The following MAST4 variants were observed in gnomAD, a reference collection of about 807,000 sequenced individuals.
The protein encoded by MAST4 is microtubule-associated serine/threonine-protein kinase 4.
MAST4 carries 89 observed loss-of-function variants against 162.7 expected under a neutral mutation model. The ratio of observed to expected loss-of-function variants is 0.55; its 90% CI spans 0.46 to 0.65. MAST4 has a LOEUF of 0.65. Ranked by LOEUF, MAST4 falls within the 30% of genes least tolerant of loss-of-function variation. MAST4 has a pLI of 0.00. For synonymous variants in MAST4, 1,479 were observed against 1,361.1 expected (o/e 1.09, Z -1.91); for missense variants, 3,153 against 3,374.0 (o/e 0.93, Z 1.62).
intron 3 of MAST4, among the ~76,000 whole-genome samples, chr5:66,809,588 G>A (rs115779395): frequency 3.9e-5 from 6 of 152,244 alleles, no homozygotes; most frequent in Non-Finnish European, 8.8e-5. Context: ...TTTATAAGAA[G>A]TGATATGTAT....
At position 67,153,554 on chromosome 5, in the gene MAST4, A is replaced by G. The variant is rs1772105359; in HGVS notation, c.3622A>G (p.Thr1208Ala). The change falls in exon 26 of 29, where the codon ACA becomes GCA. Residue 1208 changes from threonine (T) to alanine (A), a missense_variant. Thr to Ala is a moderately conservative substitution (Grantham distance 58). Coordinates refer to ENST00000403625, the MANE Select transcript of MAST4 (RefSeq NM_001164664.2). ...AGAACCAGTGCATGGACTTGTCCAC[A>G]CAGAAGTTATAGAACTCCTACTGAA... The part of the protein sequence containing the change: ...NGEPVHGLVH[T>A]EVIELLLKSG... 1.3e-6 allele frequency: 2 copies of G among 1,592,494 alleles called. No homozygotes were observed. Among genetic ancestry groups the G allele is most frequent in the Non-Finnish European group, 1.7e-6 (2 of 1,168,856 alleles).
intron 1 of MAST4, among the ~76,000 whole-genome samples, chr5:66,757,492 C>T (rs1482173622): frequency 6.6e-6 from 1 of 152,168 alleles, no homozygotes; most frequent in Admixed American, 6.5e-5. Flanking sequence ...CTGATATAAT[C>T]TTATGTTACA....
At chr5:66,754,544 A>T (rs556553368) in intron 1 of MAST4, among the ~76,000 whole-genome samples, 3 of 151,860 alleles carry the variant, frequency 2.0e-5, no homozygotes, top group Admixed American at 2.0e-4. Flanking sequence ...TGTGTTTTCT[A>T]TTTTTTTCCT....
intron 4 of MAST4, among the ~76,000 whole-genome samples, chr5:67,012,037 T>C (rs1752745659): frequency 6.6e-6 from 1 of 152,234 alleles, no homozygotes; most frequent in Admixed American, 6.5e-5. Context: ...TGTGTGTGTC[T>C]TCACTCAAGG....
chr5:67,087,071 A>T (rs1369476561), intron 5 of MAST4, among the ~76,000 whole-genome samples: 1 of 152,100 alleles, frequency 6.6e-6, no homozygotes, highest in Non-Finnish European at 1.5e-5. Context: ...TTCCTCCCTA[A>T]GGAAAATGGA....
At chr5:66,785,933 A>G (rs1452302072) in intron 2 of MAST4, among the ~76,000 whole-genome samples, 1 of 152,086 alleles carries the variant, frequency 6.6e-6, no homozygotes, top group Admixed American at 6.5e-5. Flanking sequence ...CAGTGGTACA[A>G]TCTTGGCTCA....
chr5:66,993,486 A>T (rs1213661471), intron 4 of MAST4, among the ~76,000 whole-genome samples: 5 of 152,210 alleles, frequency 3.3e-5, no homozygotes, highest in African/African-American at 9.6e-5. Context: ...AGAGGCATGC[A>T]TATGAATAAA....
intron 10 of MAST4, among the ~76,000 whole-genome samples, chr5:67,109,407 A>T (rs899826894): frequency 1.3e-5 from 2 of 152,198 alleles, no homozygotes; most frequent in African/African-American, 4.8e-5. Context: ...TATTAGGTGT[A>T]CATGAAACAT....
intron 2 of MAST4, among the ~76,000 whole-genome samples, chr5:66,760,333 C>T (rs1259017945): frequency 3.9e-5 from 6 of 151,990 alleles, no homozygotes; most frequent in Non-Finnish European, 8.8e-5. Context: ...CCAAGATGGT[C>T]GTGATCTCTT....
At chr5:67,145,028 AG>A in intron 22 of MAST4, 115 bp from the exon 23 acceptor site, 1 of 946,044 alleles carries the variant, frequency 1.1e-6, no homozygotes, top group Non-Finnish European at 1.6e-6. Flanking sequence ...CCATTGCACT[AG>A]ACATCTCTTG....
chr5:66,661,386 G>C (rs910081530), intron 1 of MAST4, among the ~76,000 whole-genome samples: 4 of 152,192 alleles, frequency 2.6e-5, no homozygotes, highest in African/African-American at 9.7e-5. Flanking sequence ...CCCGCTGTCT[G>C]CTTGGCTAAA....
At chr5:66,910,888 C>T (rs1192710477) in intron 4 of MAST4, among the ~76,000 whole-genome samples, 3 of 151,930 alleles carry the variant, frequency 2.0e-5, no homozygotes, top group East Asian at 1.9e-4. Context: ...GCTGGGACTA[C>T]AGGCGCATGC....
intron 1 of MAST4, among the ~76,000 whole-genome samples, chr5:66,757,321 G>A (rs1753600545): frequency 6.6e-6 from 1 of 152,196 alleles, no homozygotes; most frequent in Non-Finnish European, 1.5e-5. Flanking sequence ...TAACTTGTTT[G>A]ATTGCTTCAC....
chr5:66,660,687 T>C (rs1746849578), intron 1 of MAST4, among the ~76,000 whole-genome samples: 1 of 152,244 alleles, frequency 6.6e-6, no homozygotes, highest in Non-Finnish European at 1.5e-5. Flanking sequence ...TCAGTAGTTT[T>C]TGTAAGCCTT....
intron 3 of MAST4, among the ~76,000 whole-genome samples, chr5:66,810,697 T>C (rs1580508372): frequency 6.6e-6 from 1 of 152,270 alleles, no homozygotes; most frequent in Non-Finnish European, 1.5e-5. Context: ...GTAGCCAGCA[T>C]TGGGCCTACT....
At chr5:66,839,530 G>A (rs1758268384) in intron 3 of MAST4, among the ~76,000 whole-genome samples, 1 of 152,004 alleles carries the variant, frequency 6.6e-6, no homozygotes, top group South Asian at 2.1e-4. Flanking sequence ...GCACAAAGTA[G>A]TTCTGTGGTT....
intron 1 of MAST4, among the ~76,000 whole-genome samples, chr5:66,641,939 G>A (rs1486110792): frequency 1.1e-4 from 16 of 152,130 alleles, no homozygotes; most frequent in Non-Finnish European, 5.9e-5. Flanking sequence ...TGCACCTCCG[G>A]ATGATGAATA....
intron 4 of MAST4, chr5:67,004,714 C>A: frequency 2.7e-6 from 1 of 376,950 alleles, no homozygotes; most frequent in South Asian, 3.0e-5. Flanking sequence ...TATAGCTGGC[C>A]GAGCCTGACT....
At chr5:67,119,820 A>G (rs1767360154) in intron 13 of MAST4, among the ~76,000 whole-genome samples, 1 of 152,186 alleles carries the variant, frequency 6.6e-6, no homozygotes, top group African/African-American at 2.4e-5. Flanking sequence ...CCATGAACAT[A>G]AATGAGATCA....
Sources: allele counts gnomAD v4.1 joint callset (sites outside exome capture counted in the v4.1 genomes callset), GRCh38; gene constraint gnomAD v4.1.1; transcripts MANE v1.5; gene names NCBI Gene and HGNC (gene_info 2026-07-23, HGNC 2026-07-21).